Variants in TCF4 observed in about 807,000 individuals in gnomAD.
TCF4 encodes transcription factor 4, also known as SL3-3 enhancer factor 2.
TCF4 carries 3 observed loss-of-function variants against 82.1 expected under a neutral mutation model. The observed-to-expected ratio is 0.04, with a 90% CI of 0.02 to 0.09. The LOEUF is 0.09. TCF4 is among the 10% of genes least tolerant of loss of function. The pLI is 1.00. For synonymous variants in TCF4, 276 were observed against 309.6 expected (o/e 0.89, Z 1.14); for missense variants, 518 against 852.7 (o/e 0.61, Z 4.89).
intron 5 of TCF4, among the ~76,000 whole-genome samples, chr18:55,452,990 T>C (rs763695893): frequency 1.3e-5 from 2 of 152,212 alleles, no homozygotes; most frequent in Non-Finnish European, 2.9e-5. Flanking sequence ...AATTATTAAA[T>C]AGAAAATTAT....
At chr18:55,450,960 T>C (rs1260799652) in intron 5 of TCF4, among the ~76,000 whole-genome samples, 2 of 152,186 alleles carry the variant, frequency 1.3e-5, no homozygotes, top group African/African-American at 4.8e-5. Flanking sequence ...GAGAGAAACA[T>C]GGCTGTAGGC....
intron 8 of TCF4, among the ~76,000 whole-genome samples, chr18:55,335,624 T>C (rs2078465681): frequency 6.6e-6 from 1 of 152,164 alleles, no homozygotes; most frequent in Non-Finnish European, 1.5e-5. Flanking sequence ...TGAAAATCTA[T>C]TCTTGGTCAT....
chr18:55,326,401 C>CAAAAAAAAAAAAAAA (rs59228811), intron 8 of TCF4, among the ~76,000 whole-genome samples: 2 of 26,378 alleles, frequency 7.6e-5, no homozygotes, highest in Non-Finnish European at 1.5e-4. Context: ...AGAGCAGCAG[C>CAAAAAAAAAAAAAAA]AAAAAAAAAA....
chr18:55,489,972 C>T (rs1338052806), intron 3 of TCF4, among the ~76,000 whole-genome samples: 1 of 152,220 alleles, frequency 6.6e-6, no homozygotes, highest in Non-Finnish European at 1.5e-5. Context: ...GTGCCAGCTC[C>T]TTCTCCACAC....
At chr18:55,481,546 T>C (rs555759596) in intron 3 of TCF4, among the ~76,000 whole-genome samples, 42 of 152,228 alleles carry the variant, frequency 2.8e-4, no homozygotes, top group Non-Finnish European at 5.0e-4. Context: ...CTTACAAAAG[T>C]GAAGAACACC....
At chr18:55,590,350 C>T (rs890733858), upstream of TCF4, among the ~76,000 whole-genome samples, 2 of 152,230 alleles carry the variant, frequency 1.3e-5, no homozygotes, top group Admixed American at 1.3e-4. Context: ...CCAACTCCCC[C>T]ACCCTATCTT....
intron 8 of TCF4, among the ~76,000 whole-genome samples, chr18:55,337,527 A>C (rs1372486151): frequency 6.6e-6 from 1 of 152,206 alleles, no homozygotes; most frequent in Non-Finnish European, 1.5e-5. Flanking sequence ...ATGAATCTTC[A>C]AAGAAAATAA....
At chr18:55,620,197 G>A (rs2097716278) in intron 2 of TCF4, among the ~76,000 whole-genome samples, 1 of 152,086 alleles carries the variant, frequency 6.6e-6, no homozygotes. Context: ...TGAACTATGA[G>A]TCAATTAAAC....
intron 6 of TCF4, among the ~76,000 whole-genome samples, chr18:55,385,040 C>A (rs763624697): frequency 6.6e-6 from 1 of 152,090 alleles, no homozygotes; most frequent in South Asian, 2.1e-4. Context: ...CCCCTTACCC[C>A]CTTTCTCTCT....
intron 3 of TCF4, among the ~76,000 whole-genome samples, chr18:55,505,837 A>G (rs2096753158): frequency 6.6e-6 from 1 of 151,666 alleles, no homozygotes; most frequent in African/African-American, 2.4e-5. Context: ...ACCAGAACAA[A>G]TAACTATGAC....
At chr18:55,369,592 T>C (rs1157039252) in intron 6 of TCF4, among the ~76,000 whole-genome samples, 1 of 152,186 alleles carries the variant, frequency 6.6e-6, no homozygotes, top group African/African-American at 2.4e-5. Context: ...CACATCAAGA[T>C]AACCAACTTC....
At chr18:55,325,216 C>G (rs2076347092) in intron 8 of TCF4, among the ~76,000 whole-genome samples, 1 of 152,094 alleles carries the variant, frequency 6.6e-6, no homozygotes, top group South Asian at 2.1e-4. Flanking sequence ...TGATTCCCAA[C>G]TTTGGGTTAA....
At chr18:55,426,669 G>A (rs1197715958) in intron 5 of TCF4, among the ~76,000 whole-genome samples, 1 of 152,066 alleles carries the variant, frequency 6.6e-6, no homozygotes, top group Non-Finnish European at 1.5e-5. Context: ...TGATTTTAGA[G>A]CAGCCTTGCA....
chr18:55,478,560 AC>A (rs1448726628), intron 3 of TCF4, among the ~76,000 whole-genome samples: 3 of 152,144 alleles, frequency 2.0e-5, no homozygotes, highest in Non-Finnish European at 4.4e-5. Flanking sequence ...CACAAAAGAA[AC>A]CGCGAAATCT....
rs1568303086 is a variant in TCF4 at position 55,228,877 on chromosome 18, C to T, written c.1849G>A (p.Val617Ile). 6.2e-7 allele frequency: 1 copy of T among 1,614,100 alleles called. No individual in the cohort carries two copies. The highest frequency in any genetic ancestry group is 8.5e-7 in the Non-Finnish European group (1 of 1,180,018). The change falls in exon 18 of 20, where the codon GTC (valine) becomes ATC (isoleucine). Residue 617 changes from valine (V) to isoleucine (I), a missense_variant. Val to Ile is a conservative substitution (Grantham distance 29, BLOSUM62 3). Transcript: ENST00000354452. ...KLLILHQAVA[V>I]ILSLEQQVRE... ...ACTTGCTGCTCCAGACTGAGGATGA[C>T]GGCCACCGCCTGGTGGAGGATCAGG...
Position 55,258,101 on chromosome 18 carries a change from A to T in TCF4, c.1070-710T>A, listed in dbSNP as rs1008564879. On this transcript the variant is annotated intron_variant, in intron 13 of 19. Coordinates refer to ENST00000354452, the MANE Select transcript of TCF4 (RefSeq NM_001083962.2). Reference sequence around the variant, plus strand: ...TACATAATTCAAAAAAGGAAAAAATAATAGCTATGATCTCACTGAAATCTC... The same window carrying T: ...TACATAATTCAAAAAAGGAAAAAATTATAGCTATGATCTCACTGAAATCTC... Among the ~76,000 whole-genome samples the T allele has an allele frequency of 6.6e-5, 10 of 152,286 alleles. No individual in the cohort carries two copies. The South Asian group carries it at 1.7e-3, about 25-fold the overall frequency.
intron 8 of TCF4, among the ~76,000 whole-genome samples, chr18:55,311,045 C>T (rs989775382): frequency 3.3e-5 from 5 of 151,992 alleles, no homozygotes; most frequent in Admixed American, 2.0e-4. Context: ...ATTTAATACA[C>T]TATAAAATCT....
intron 6 of TCF4, among the ~76,000 whole-genome samples, chr18:55,393,916 C>A (rs575614404): frequency 6.6e-6 from 1 of 152,164 alleles, no homozygotes; most frequent in Non-Finnish European, 1.5e-5. Context: ...AATTTTTTTA[C>A]AGGTATAGTT....
intron 3 of TCF4, among the ~76,000 whole-genome samples, chr18:55,568,233 T>G (rs954330758): frequency 6.7e-6 from 1 of 148,616 alleles, no homozygotes; most frequent in Non-Finnish European, 1.5e-5. Flanking sequence ...GATTAAAAAT[T>G]AATGAAGTAG....
Sources: allele counts gnomAD v4.1 joint callset (sites outside exome capture counted in the v4.1 genomes callset), GRCh38; gene constraint gnomAD v4.1.1; transcripts MANE v1.5; gene names NCBI Gene and HGNC (gene_info 2026-07-23, HGNC 2026-07-21).